Variants in CD1B observed in about 807,000 individuals in gnomAD.
The protein encoded by CD1B is T-cell surface glycoprotein CD1b.
CD1B carries 43 observed loss-of-function variants against 39.8 expected under a neutral mutation model. The observed-to-expected ratio is 1.08, with a 90% confidence interval of 0.85 to 1.39. The LOEUF is 1.39. Among genes scored for constraint, CD1B ranks in the 40% most tolerant of loss-of-function variants. CD1B has a pLI of 0.00. For synonymous variants in CD1B, 192 were observed against 152.5 expected (o/e 1.26, Z -1.91); for missense variants, 495 against 403.8 (o/e 1.23, Z -1.94).
At chr1:158,306,933 G>A in the CD1B span, among the ~76,000 whole-genome samples, 1 of 152,186 alleles carries the variant, frequency 6.6e-6, no homozygotes, top group Non-Finnish European at 1.5e-5. Flanking sequence ...TCAAGGCAGT[G>A]TGTAGAGGGA....
In CD1B at chr1:158,330,074, C is replaced by A. The variant is rs753196774; in HGVS notation, c.385G>T (p.Val129Leu). 2 of 1,613,906 alleles carry A rather than the reference C, an allele frequency of 1.2e-6. No individual in the cohort carries two copies. The highest frequency in any genetic ancestry group is 2.2e-5 in the South Asian group (2 of 91,072). ...CCTAGAGCTCCCCTCAGGAAGCTTA[C>A]TATGGCACCTCCAGAATGTAGCTCA... ...GCELHSGGAI[V>L]SFLRGALGGL... Residue 129 changes from valine to leucine, a missense_variant, in exon 3 of 6, where the codon GTA (valine) becomes TTA (leucine). Coordinates refer to ENST00000368168, the MANE Select transcript of CD1B (RefSeq NM_001764.3).
intron 5 of CD1B, 36 bp downstream of exon 5, chr1:158,328,885 A>T: frequency 7.1e-7 from 1 of 1,414,142 alleles, no homozygotes; most frequent in Non-Finnish European, 9.7e-7. Context: ...CAGAAAAGAC[A>T]TATTAAAAAA....
downstream of CD1B, among the ~76,000 whole-genome samples, chr1:158,323,531 G>C (rs748308724): frequency 1.3e-5 from 2 of 152,074 alleles, no homozygotes; most frequent in African/African-American, 4.8e-5. Context: ...AAAATTCCCT[G>C]GTTGTTCTTG....
At position 158,329,379 on chromosome 1, in the gene CD1B, G is replaced by A. The variant is rs1488443392; in HGVS notation, c.877C>T (p.Leu293Phe). The A allele has an allele frequency of 1.9e-6, 3 of 1,613,426 alleles. No homozygotes were observed. Among genetic ancestry groups the A allele is most frequent in the Non-Finnish European group, 2.5e-6 (3 of 1,179,522 alleles). The change falls in exon 4 of 6, where the codon CTC becomes TTC. Residue 293 changes from leucine to phenylalanine, a missense_variant. By Grantham distance (22) the Leu-to-Phe change is conservative. Coordinates refer to ENST00000368168, the MANE Select transcript of CD1B (RefSeq NM_001764.3). ...HSSLEGQDII[L>F]YWRNPTSIGS... ...CCCTGCTATTTCTTACTCCAGTAGA[G>A]GATGATGTCCTGGCCCTCTAAACTG... is the stretch of plus-strand genomic sequence containing the variant.
the CD1B span, among the ~76,000 whole-genome samples, chr1:158,317,145 C>T: frequency 6.6e-4 from 100 of 151,866 alleles, 1 homozygote; most frequent in African/African-American, 2.3e-3. Flanking sequence ...TGTCTCTGCC[C>T]GGCTTTGGTA....
the CD1B span, among the ~76,000 whole-genome samples, chr1:158,320,268 CT>C: frequency 6.6e-6 from 1 of 152,192 alleles, no homozygotes; most frequent in African/African-American, 2.4e-5. Context: ...TCACTGCCGC[CT>C]TGCAGTTTGA....
chr1:158,325,060 TAGAA>T (rs890178814), downstream of CD1B, among the ~76,000 whole-genome samples: 2 of 152,050 alleles, frequency 1.3e-5, no homozygotes, highest in Admixed American at 1.3e-4. Context: ...GGCAAATAAA[TAGAA>T]AGAATAACTA....
the CD1B span, among the ~76,000 whole-genome samples, chr1:158,299,380 G>A: frequency 1.3e-5 from 2 of 152,098 alleles, no homozygotes; most frequent in Non-Finnish European, 2.9e-5. Flanking sequence ...TGATCATGGT[G>A]GATAAGCTTT....
In CD1B at chr1:158,329,444, T is replaced by G. The variant is rs771494862; in HGVS notation, c.812A>C (p.Asp271Ala). The G allele has an allele frequency of 3.1e-6, 5 of 1,614,162 alleles. No homozygotes were observed. In the South Asian group the frequency reaches 4.4e-5, roughly 14 times the overall value. Residue 271 changes from aspartate to alanine, a missense_variant, in exon 4 of 6, where the codon GAT becomes GCT. Asp to Ala is a moderately radical substitution (Grantham distance 126, BLOSUM62 -2). Transcript: ENST00000368168. ...WYLRATLDVA[D>A]GEAAGLSCRV... is the part of the protein sequence containing the mutation. ...ACAGGACAGGCCAGCCGCCTCCCCATCTGCCACATCCAGGGTTGCTCGGAG... is the reference window on the plus strand; with the variant it reads ...ACAGGACAGGCCAGCCGCCTCCCCAGCTGCCACATCCAGGGTTGCTCGGAG...
At chr1:158,319,077 C>T in the CD1B span, among the ~76,000 whole-genome samples, 2 of 151,552 alleles carry the variant, frequency 1.3e-5, no homozygotes, top group Admixed American at 1.3e-4. Flanking sequence ...CCCGACCTTT[C>T]TCTCTGGCTG....
the CD1B span, among the ~76,000 whole-genome samples, chr1:158,321,766 CTTTTA>C: frequency 1.3e-5 from 2 of 152,066 alleles, no homozygotes; most frequent in Non-Finnish European, 2.9e-5. Context: ...AAATTTCCTA[CTTTTA>C]TTTTAAGTCC....
At chr1:158,313,533 C>T in the CD1B span, among the ~76,000 whole-genome samples, 1 of 152,144 alleles carries the variant, frequency 6.6e-6, no homozygotes, top group Admixed American at 6.6e-5. Flanking sequence ...TGGTCTTGAA[C>T]TCCTGGGCTC....
the CD1B span, among the ~76,000 whole-genome samples, chr1:158,314,115 A>G: frequency 5.4e-4 from 82 of 152,154 alleles, no homozygotes; most frequent in Admixed American, 7.2e-4. Flanking sequence ...GACAGAGTCT[A>G]GCTCCATTGC....
At chr1:158,319,273 C>T in the CD1B span, among the ~76,000 whole-genome samples, 102 of 151,924 alleles carry the variant, frequency 6.7e-4, 1 homozygote, top group African/African-American at 2.4e-3. Flanking sequence ...CAACTTGGTT[C>T]CATTCTCCCC....
the CD1B span, among the ~76,000 whole-genome samples, chr1:158,300,064 T>C: frequency 6.6e-6 from 1 of 152,236 alleles, no homozygotes; most frequent in East Asian, 1.9e-4. Context: ...TCTCTAGTTC[T>C]TTTAATGTGA....
At position 158,330,939 on chromosome 1, in the gene CD1B, G is replaced by C. The variant is rs750262381; in HGVS notation, c.185C>G (p.Ser62Ter). 1 of 1,614,156 alleles carries C rather than the reference G, an allele frequency of 6.2e-7. No homozygotes were observed. Among genetic ancestry groups the C allele is most frequent in the East Asian group, 2.2e-5 (1 of 44,872 alleles). Residue 62 changes from serine to a stop codon, truncating the protein, a stop_gained, in exon 2 of 6, where the codon TCA becomes TGA. Coordinates refer to ENST00000368168, the MANE Select transcript of CD1B (RefSeq NM_001764.3). LOFTEE classifies it high-confidence loss of function. ...DLQIHGWDSD[S>*]GTAIFLKPWS... is the part of the protein sequence containing the mutation. ...AGGCTTCAGGAATATGGCAGTGCCT[G>C]AGTCGCTATCCCAGCCATGAATCTG...
At position 158,331,436 on chromosome 1, in the gene CD1B, T is replaced by C; in HGVS notation, c.-13A>G. 1.2e-6 allele frequency: 2 copies of C among 1,611,664 alleles called. No homozygotes were observed. Among genetic ancestry groups the C allele is most frequent in the Non-Finnish European group, 8.5e-7 (1 of 1,177,886 alleles). On this transcript the variant is annotated 5_prime_UTR_variant, in exon 1 of 6. Transcript: ENST00000368168. ...GCAGCAGCAGCATTTCACTGGGAGATGCAACTTCTTACTGGCAGAGCTGGT... is the reference window on the plus strand; with the variant it reads ...GCAGCAGCAGCATTTCACTGGGAGACGCAACTTCTTACTGGCAGAGCTGGT...
the CD1B span, among the ~76,000 whole-genome samples, chr1:158,315,939 C>G: frequency 5.9e-5 from 9 of 151,922 alleles, no homozygotes; most frequent in Non-Finnish European, 8.8e-5. Context: ...GCTGGTTTTT[C>G]TCAGGTTTGT....
At chr1:158,298,915 G>T in the CD1B span, among the ~76,000 whole-genome samples, 1 of 152,192 alleles carries the variant, frequency 6.6e-6, no homozygotes, top group African/African-American at 2.4e-5. Context: ...GAGATTTTGG[G>T]CTGAGGTGAT....
Sources: gnomAD v4.1 joint callset for allele counts (sites outside exome capture counted in the v4.1 genomes callset) on GRCh38, gnomAD v4.1.1 for gene constraint, MANE v1.5 for transcripts, NCBI Gene and HGNC (gene_info 2026-07-23, HGNC 2026-07-21) for gene names.